The following CCDC15 variants were observed in gnomAD, a reference collection of about 807,000 sequenced individuals.
CCDC15 encodes coiled-coil domain containing 15.
Under a neutral mutation model 114.5 loss-of-function variants are expected in CCDC15, and 105 were observed. The observed-to-expected ratio is 0.92, with a 90% CI of 0.78 to 1.08. CCDC15 has a LOEUF of 1.08. CCDC15 is among the 50% of genes least tolerant of loss of function. The pLI, the probability that CCDC15 is intolerant of heterozygous loss-of-function variation, is 0.00. For synonymous variants in CCDC15, 334 were observed against 377.8 expected (o/e 0.88, Z 1.34); for missense variants, 1,105 against 1,093.6 (o/e 1.01, Z -0.15).
intron 13 of CCDC15, among the ~76,000 whole-genome samples, chr11:125,020,018 C>G (rs1787516082): frequency 6.6e-6 from 1 of 151,826 alleles, no homozygotes; most frequent in South Asian, 2.1e-4. Context: ...TATAGTCACC[C>G]TACTCTGCTA....
In CCDC15 at chr11:125,038,905, T is replaced by C; in HGVS notation, c.2586-16T>C. ...TTTAATAGTTCACTTTGCCTGATTA[T>C]ACTTTATTTGTACAGATATGTAGAA... On this transcript the variant is annotated splice_polypyrimidine_tract_variant and intron_variant, in intron 14 of 15. Coordinates refer to ENST00000344762, the MANE Select transcript of CCDC15 (RefSeq NM_025004.3). 1 of 1,602,060 alleles carries C rather than the reference T, an allele frequency of 6.2e-7. No individual in the cohort carries two copies. Among genetic ancestry groups the C allele is most frequent in the South Asian group, 1.1e-5 (1 of 88,722 alleles).
In CCDC15 at chr11:124,987,211, C is replaced by G; in HGVS notation, c.985C>G (p.Leu329Val). 1 of 1,537,476 alleles carries G rather than the reference C, an allele frequency of 6.5e-7. No homozygotes were observed. The change falls in exon 8 of 16, where the codon CTG (leucine) becomes GTG (valine). Residue 329 changes from leucine (L) to valine (V), a missense_variant. By Grantham distance (32) the Leu-to-Val change is conservative. Transcript: ENST00000344762. ...ACATTTTGAGGGCCTTCAGGATATT[C>G]TGCCAGAAGCCCAGGATTATTTTCT... Reference protein sequence around the residue: ...QLHFEGLQDILPEAQDYFLEA... With the variant: ...QLHFEGLQDIVPEAQDYFLEA...
In CCDC15 at chr11:124,959,989, C is replaced by T; in HGVS notation, c.502C>T (p.Gln168Ter). 6.4e-7 allele frequency: 1 copy of T among 1,564,954 alleles called. No homozygotes were observed. Among genetic ancestry groups the T allele is most frequent in the Non-Finnish European group, 8.7e-7 (1 of 1,153,440 alleles). ...AGAGAATCAGAACGAATTATTCCAA[C>T]AACAAGCCCAGGCTGTAAGTACCTG... is the stretch of plus-strand genomic sequence containing the variant. The part of the protein sequence containing the change: ...DEENQNELFQ[Q>*]QAQALSETMK... The change falls in exon 4 of 16, where the codon CAA (glutamine) becomes TAA (stop). Residue 168 changes from glutamine to a stop codon, truncating the protein, a stop_gained. Transcript: ENST00000344762. LOFTEE classifies it high-confidence loss of function.
chr11:125,006,884 T>C (rs945830032), intron 13 of CCDC15, among the ~76,000 whole-genome samples: 1 of 152,228 alleles, frequency 6.6e-6, no homozygotes, highest in African/African-American at 2.4e-5. Flanking sequence ...CATTGATCTA[T>C]TTGTCTATTC....
At chr11:124,992,460 TC>T in intron 9 of CCDC15, 119 bp from the exon 10 acceptor site, 1 of 632,738 alleles carries the variant, frequency 1.6e-6, no homozygotes, top group Non-Finnish European at 2.8e-6. Context: ...TCAAAACGTA[TC>T]AGAATATTTT....
At chr11:125,004,071 A>G (rs1479276546) in intron 12 of CCDC15, 112 bp downstream of exon 12, 2 of 489,980 alleles carry the variant, frequency 4.1e-6, no homozygotes, top group East Asian at 7.1e-5. Context: ...CTAATACCAC[A>G]AATTTCATAA....
At chr11:124,992,171 G>A (rs988149368) in intron 9 of CCDC15, among the ~76,000 whole-genome samples, 1 of 152,142 alleles carries the variant, frequency 6.6e-6, no homozygotes, top group African/African-American at 2.4e-5. Flanking sequence ...CCCTGGTCTA[G>A]GGAACTATAT....
intron 4 of CCDC15, among the ~76,000 whole-genome samples, chr11:124,960,429 T>C (rs1947640490): frequency 6.6e-6 from 1 of 152,064 alleles, no homozygotes; most frequent in African/African-American, 2.4e-5. Flanking sequence ...TTCCAAGTTA[T>C]ATTGAAATTA....
chr11:125,022,772 A>C lies in CCDC15; in HGVS notation c.2412-15659A>C, dbSNP rs116938513. 4.3e-4 allele frequency among the ~76,000 whole-genome samples: 66 copies of C among 152,066 alleles called. No individual in the cohort carries two copies. In the East Asian group the frequency reaches 7.1e-3, roughly 16 times the overall value. Reference sequence around the variant, plus strand: ...AACTGGCCTCATACTACTGTTCAGAAAACAATAGCTCATTTGTTTCAAAGT... The same window carrying C: ...AACTGGCCTCATACTACTGTTCAGACAACAATAGCTCATTTGTTTCAAAGT... On this transcript the variant is annotated intron_variant, in intron 13 of 15. Transcript: ENST00000344762.
intron 6 of CCDC15, among the ~76,000 whole-genome samples, chr11:124,985,334 G>A (rs1252675793): frequency 6.6e-6 from 1 of 152,162 alleles, no homozygotes; most frequent in Non-Finnish European, 1.5e-5. Flanking sequence ...ACACATTTTT[G>A]TGTGGACATT....
rs139091018 is a variant in CCDC15 at position 125,040,918 on chromosome 11, A to T, written c.*207A>T. On this transcript the variant is annotated 3_prime_UTR_variant, in exon 16 of 16. Coordinates refer to ENST00000344762, the MANE Select transcript of CCDC15 (RefSeq NM_025004.3). ...CTTACTTCTCTCTTCTGTCTTGTGAACCATACGGAGCCTATTATTTTAAAA... is the reference window on the plus strand; with the variant it reads ...CTTACTTCTCTCTTCTGTCTTGTGATCCATACGGAGCCTATTATTTTAAAA... 1.4e-3 allele frequency: 764 copies of T among 557,914 alleles called. 6 individuals carry two copies. In the East Asian group the frequency reaches 0.021, roughly 16 times the overall value. The allele number at this position is 557,914 out of a possible 1,614,324, so 34.6% of individuals were successfully genotyped here.
chr11:125,031,684 G>T (rs1197143371), intron 13 of CCDC15, among the ~76,000 whole-genome samples: 1 of 152,118 alleles, frequency 6.6e-6, no homozygotes, highest in Non-Finnish European at 1.5e-5. Context: ...ACCTATGAGG[G>T]CCTGCCAAAG....
chr11:125,014,572 G>C (rs1948615928), intron 13 of CCDC15, among the ~76,000 whole-genome samples: 1 of 152,048 alleles, frequency 6.6e-6, no homozygotes, highest in Non-Finnish European at 1.5e-5. Context: ...CTATAAAATA[G>C]AATCCAATAG....
intron 12 of CCDC15, 33 bp downstream of exon 12, chr11:125,003,992 T>G: frequency 9.1e-7 from 1 of 1,104,894 alleles, no homozygotes; most frequent in Non-Finnish European, 1.3e-6. Context: ...GATCCCAATA[T>G]TTCTACTATG....
At chr11:124,954,702 G>A (rs941909207) in intron 1 of CCDC15, 22 bp from the exon 2 acceptor site, 1 of 1,609,004 alleles carries the variant, frequency 6.2e-7, no homozygotes, top group Non-Finnish European at 8.5e-7. Flanking sequence ...AAGATTTTAA[G>A]CTTTTTCTTT....
chr11:125,032,963 T>A (rs112627123), intron 13 of CCDC15, among the ~76,000 whole-genome samples: 9,609 of 152,258 alleles, frequency 0.063, 367 homozygotes, highest in African/African-American at 0.11. Context: ...GTTTCCCTTT[T>A]CCCAGTGCAC....
intron 15 of CCDC15, among the ~76,000 whole-genome samples, chr11:125,039,852 T>C (rs2135546082): frequency 6.6e-6 from 1 of 152,342 alleles, no homozygotes; most frequent in East Asian, 1.9e-4. Flanking sequence ...ATTCCCAGTA[T>C]GTGCCATATT....
At chr11:125,009,646 T>C (rs948624904) in intron 13 of CCDC15, among the ~76,000 whole-genome samples, 1 of 152,132 alleles carries the variant, frequency 6.6e-6, no homozygotes, top group Non-Finnish European at 1.5e-5. Context: ...TTCAGCCTTT[T>C]CTCCTCCCCT....
At position 124,954,745 on chromosome 11, in the gene CCDC15, A is replaced by G. The variant is rs1391045324; in HGVS notation, c.13A>G (p.Met5Val). 3.7e-6 allele frequency: 6 copies of G among 1,613,804 alleles called. No homozygotes were observed. The African/African-American group carries it at 4.0e-5, about 11-fold the overall frequency. The change falls in exon 2 of 16, where the codon ATG becomes GTG. Residue 5 changes from methionine (M) to valine (V), a missense_variant. Coordinates refer to ENST00000344762, the MANE Select transcript of CCDC15 (RefSeq NM_025004.3). ...TCAGGAGTCACAGATGCTGGGAAGT[A>G]TGGCCCGAAAGAAACCTCGAAATAC... is the stretch of plus-strand genomic sequence containing the variant. MLGS[M>V]ARKKPRNTSR...
Sources: gnomAD v4.1 joint callset for allele counts (sites outside exome capture counted in the v4.1 genomes callset) on GRCh38, gnomAD v4.1.1 for gene constraint, MANE v1.5 for transcripts, NCBI Gene and HGNC (gene_info 2026-07-23, HGNC 2026-07-21) for gene names.